Variants in ESPNL observed in about 807,000 individuals in gnomAD.
The protein encoded by ESPNL is espin-like protein.
ESPNL carries 49 observed loss-of-function variants against 46.8 expected under a neutral mutation model. The observed-to-expected ratio is 1.05, with a 90% confidence interval of 0.83 to 1.33. The LOEUF is 1.33. ESPNL is among the 40% of genes most tolerant of loss of function. ESPNL has a pLI of 0.00. For synonymous variants in ESPNL, 664 were observed against 662.1 expected (o/e 1.00, Z -0.04); for missense variants, 1,540 against 1,436.6 (o/e 1.07, Z -1.16).
In ESPNL at chr2:238,114,255, C is replaced by T. The variant is rs1018231972; in HGVS notation, c.856-2648C>T. On this transcript the variant is annotated intron_variant, in intron 4 of 8. Transcript: ENST00000343063. This position sits in a 1 kb window ranked among gnomAD's most constrained non-coding sequence, Gnocchi z 5.0. ...CTCCTCCCCATGGCTCTGTTCCTATCAGGGCTTTGCCCTCTCTCCCCAGCA... is the reference window on the plus strand; with the variant it reads ...CTCCTCCCCATGGCTCTGTTCCTATTAGGGCTTTGCCCTCTCTCCCCAGCA... Among the ~76,000 whole-genome samples the T allele has an allele frequency of 6.6e-6, 1 of 152,160 alleles. No homozygotes were observed. Among genetic ancestry groups the T allele is most frequent in the Non-Finnish European group, 1.5e-5 (1 of 68,024 alleles).
chr2:238,128,330 C>G (rs907916444), intron 7 of ESPNL, among the ~76,000 whole-genome samples: 2 of 152,232 alleles, frequency 1.3e-5, no homozygotes, highest in African/African-American at 2.4e-5. Flanking sequence ...ACAAGCCCTC[C>G]GCGGCACAGG....
In ESPNL at chr2:238,128,889, CT is replaced by C; in HGVS notation, c.1399del (p.Ser467ProfsTer36). The C allele has an allele frequency of 6.5e-7, 1 of 1,542,440 alleles. No individual in the cohort carries two copies. The highest frequency in any genetic ancestry group is 8.7e-7 in the Non-Finnish European group (1 of 1,146,044). On this transcript the variant is annotated frameshift_variant, in exon 8 of 9. Transcript: ENST00000343063. LOFTEE classifies it low-confidence loss of function (END_TRUNC). The part of the protein sequence containing the change: ...KLQARLGAES[S>X]AEAQDNGGSS... ...TGCAGGCGCGCCTGGGCGCAGAGAG[CT>C]CCGCAGAGGCCCAGGTAGGCCCCCG...
At position 238,101,976 on chromosome 2, in the gene ESPNL, G is replaced by A. The variant is rs35324619; in HGVS notation, c.330G>A (p.Leu110=). 263 of 1,610,216 alleles carry A rather than the reference G, an allele frequency of 1.6e-4. No individual in the cohort carries two copies. The African/African-American group carries it at 3.2e-3, about 20-fold the overall frequency. The change falls in exon 2 of 9, where the codon CTG becomes CTA. Residue 110 remains leucine, a synonymous_variant. Coordinates refer to ENST00000343063, the MANE Select transcript of ESPNL (RefSeq NM_194312.4). ...QDASGVSPLH[L]AARFGHPVLV... ...CCTCGGGCGTCTCCCCGCTGCACCT[G>A]GCCGCCCGTTTTGGACACCCAGTGC...
At chr2:238,115,075 G>C (rs1486260921) in intron 4 of ESPNL, among the ~76,000 whole-genome samples, 7 of 152,174 alleles carry the variant, frequency 4.6e-5, no homozygotes, top group Non-Finnish European at 1.0e-4. Context: ...CCGGTCTTGC[G>C]GTGGTTCTGG....
rs950336051 is a variant in ESPNL, at chr2:238,114,351, C to G, written c.856-2552C>G. ...ACACCCCTCATACTCCTGCAGACCC[C>G]GTAACTCCCCTCCTCCGCATCCTGG... On this transcript the variant is annotated intron_variant, in intron 4 of 8. Transcript: ENST00000343063. This position sits in a 1 kb window ranked among gnomAD's most constrained non-coding sequence, Gnocchi z 5.0. 6.6e-6 allele frequency among the ~76,000 whole-genome samples: 1 copy of G among 152,154 alleles called. No homozygotes were observed. Among genetic ancestry groups the G allele is most frequent in the African/African-American group, 2.4e-5 (1 of 41,428 alleles).
At chr2:238,117,982 AGATGGAGGAAGGTG>A (rs1468465595) in intron 5 of ESPNL, among the ~76,000 whole-genome samples, 3 of 149,516 alleles carry the variant, frequency 2.0e-5, no homozygotes, top group African/African-American at 7.4e-5. Context: ...GAGGAGAAAT[AGATGGAGGAAGGTG>A]GATGGAGGAG....
At chr2:238,103,076 C>T (rs1356597500) in intron 2 of ESPNL, among the ~76,000 whole-genome samples, 1 of 152,208 alleles carries the variant, frequency 6.6e-6, no homozygotes, top group Non-Finnish European at 1.5e-5. Context: ...CTTGGCTGGC[C>T]ACAGTCTCTC....
Position 238,128,705 on chromosome 2 carries a change from A to C in ESPNL, c.1216-2A>C. 1 of 1,597,088 alleles carries C rather than the reference A, an allele frequency of 6.3e-7. No homozygotes were observed. The highest frequency in any genetic ancestry group is 8.5e-7 in the Non-Finnish European group (1 of 1,172,698). On this transcript the variant is annotated splice_acceptor_variant, in intron 7 of 8. Coordinates refer to ENST00000343063, the MANE Select transcript of ESPNL (RefSeq NM_194312.4). LOFTEE classifies it high-confidence loss of function. ...CTGTGTGACCCACCCCCTTCTGCAC[A>C]GGGGACAGAGACGGCGCTGGCGGGG... is the stretch of plus-strand genomic sequence containing the variant.
chr2:238,133,284 C>G lies in ESPNL; in HGVS notation c.*1552C>G, dbSNP rs749420338. ...GCTAAATAAAGATTCCCATTCCTAG[C>G]GCACCCCCTCTCTTGCACTTGTTGT... On this transcript the variant is annotated 3_prime_UTR_variant, in exon 9 of 9. Coordinates refer to ENST00000343063, the MANE Select transcript of ESPNL (RefSeq NM_194312.4). 6.6e-6 allele frequency: 1 copy of G among 152,270 alleles called. No homozygotes were observed. Among genetic ancestry groups the G allele is most frequent in the African/African-American group, 2.4e-5 (1 of 41,444 alleles). 9.4% of individuals were successfully genotyped at this position (152,270 alleles called of 1,614,324 possible). A position where few individuals can be genotyped will look rare whatever the true frequency, so the allele number is the denominator to read the frequency against.
In ESPNL at chr2:238,100,441, G is replaced by A. The variant is rs199778762; in HGVS notation, c.22G>A (p.Val8Met). Reference protein sequence around the residue: MEKQRALVAAKDGDVATL... With the variant: MEKQRALMAAKDGDVATL... ...GAGGATGGAGAAGCAGCGGGCACTC[G>A]TGGCCGCCAAGGATGGGGATGTGGC... Residue 8 changes from valine (V) to methionine (M), a missense_variant, in exon 1 of 9, where the codon GTG becomes ATG. Transcript: ENST00000343063. 851 of 1,603,118 alleles carry A rather than the reference G, an allele frequency of 5.3e-4. No individual in the cohort carries two copies. The highest frequency in any genetic ancestry group is 3.8e-3 in the East Asian group (168 of 44,354).
intron 4 of ESPNL, 114 bp downstream of exon 4, chr2:238,108,087 T>G: frequency 9.9e-7 from 1 of 1,012,832 alleles, no homozygotes; most frequent in Non-Finnish European, 1.4e-6. Flanking sequence ...CTTTTACAGA[T>G]AGGTAAACTG....
chr2:238,110,814 C>A (rs1182662325), intron 4 of ESPNL, among the ~76,000 whole-genome samples: 2 of 152,032 alleles, frequency 1.3e-5, no homozygotes, highest in Admixed American at 1.3e-4. Context: ...TCCTCAGATG[C>A]CTCTTGGCTC....
chr2:238,107,985 G>T lies in ESPNL; in HGVS notation c.855+12G>T. ...ACGGGCAGATGGAGGTAAGGTGGGC[G>T]TGAGGGAGACAGGGTGAGCAGTCAC... On this transcript the variant is annotated intron_variant, in intron 4 of 8. Transcript: ENST00000343063. 6.2e-7 allele frequency: 1 copy of T among 1,603,382 alleles called. No individual in the cohort carries two copies. The highest frequency in any genetic ancestry group is 8.5e-7 in the Non-Finnish European group (1 of 1,174,380).
Position 238,104,738 on chromosome 2 carries a change from C to T in ESPNL, c.568C>T (p.Leu190=), listed in dbSNP as rs776502051. ...GGGCCACCTGCACCTGGCCCAGTTC[C>T]TGGTGAAGGACTGTGGCGCTGACGT... ...QEGHLHLAQF[L]VKDCGADVHL... is the part of the protein sequence containing the mutation. The change falls in exon 3 of 9, where the codon CTG becomes TTG. Residue 190 remains leucine (L), a synonymous_variant. Coordinates refer to ENST00000343063, the MANE Select transcript of ESPNL (RefSeq NM_194312.4). 1.9e-6 allele frequency: 3 copies of T among 1,608,582 alleles called. No homozygotes were observed. Among genetic ancestry groups the T allele is most frequent in the Non-Finnish European group, 2.5e-6 (3 of 1,178,702 alleles).
chr2:238,100,779 C>T, intron 1 of ESPNL, 66 bp downstream of exon 1: 2 of 1,344,532 alleles, frequency 1.5e-6, no homozygotes, highest in Non-Finnish European at 1.9e-6. Flanking sequence ...AGGTGTGAGC[C>T]ACGGAGGATC....
At chr2:238,126,736 GTC>G (rs1409195638) in intron 6 of ESPNL, among the ~76,000 whole-genome samples, 17 of 151,728 alleles carry the variant, frequency 1.1e-4, no homozygotes, top group African/African-American at 3.9e-4. Context: ...GTATGATTGT[GTC>G]TGTGTGTATC....
Position 238,107,789 on chromosome 2 carries a change from A to G in ESPNL, c.673-2A>G. 1.3e-6 allele frequency: 2 copies of G among 1,581,146 alleles called. No homozygotes were observed. The highest frequency in any genetic ancestry group is 1.7e-6 in the Non-Finnish European group (2 of 1,163,250). Reference sequence around the variant, plus strand: ...CTGCTCCCTCTGCCCCTCCTTCCCCAGGTCACATTCACCGACATCGGACTC... The same window carrying G: ...CTGCTCCCTCTGCCCCTCCTTCCCCGGGTCACATTCACCGACATCGGACTC... On this transcript the variant is annotated splice_acceptor_variant, in intron 3 of 8. Transcript: ENST00000343063. LOFTEE classifies it high-confidence loss of function.
intron 3 of ESPNL, among the ~76,000 whole-genome samples, chr2:238,105,896 A>G (rs1691586131): frequency 6.6e-6 from 1 of 152,066 alleles, no homozygotes. Context: ...CCACCCACTC[A>G]GTCCAGCTCC....
chr2:238,111,109 T>C (rs925857615), intron 4 of ESPNL, among the ~76,000 whole-genome samples: 3 of 152,034 alleles, frequency 2.0e-5, no homozygotes, highest in Non-Finnish European at 4.4e-5. Context: ...GTATTTTTAG[T>C]AGAGACGGGG....
Sources: gnomAD v4.1 joint callset for allele counts (sites outside exome capture counted in the v4.1 genomes callset) on GRCh38, gnomAD v4.1.1 for gene constraint, Gnocchi (gnomAD v3.1) non-coding constraint, MANE v1.5 for transcripts, NCBI Gene and HGNC (gene_info 2026-07-23, HGNC 2026-07-21) for gene names.